The following USH2A variants were observed in gnomAD, a reference collection of about 807,000 sequenced individuals.
The protein encoded by USH2A is usherin.
A neutral mutation model predicts 538.9 loss-of-function variants in USH2A; 443 were observed. The ratio of observed to expected loss-of-function variants is 0.82; its 90% CI spans 0.76 to 0.89. USH2A has a LOEUF of 0.89. Among genes scored for constraint, USH2A ranks in the 40% least tolerant of loss-of-function variants. The probability of loss-of-function intolerance (pLI) is 0.00; values close to 1 mark genes in which losing one functional copy is unlikely to be tolerated. For synonymous variants in USH2A, 2,413 were observed against 2,273.5 expected, an observed-to-expected ratio of 1.06 and a Z score of -1.75; for missense variants, 6,633 against 6,324.8, an observed-to-expected ratio of 1.05 and a Z score of -1.65.
chr1:216,211,675 C>G (rs2035244075), intron 15 of USH2A, among the ~76,000 whole-genome samples: 1 of 152,244 alleles, frequency 6.6e-6, no homozygotes, highest in Non-Finnish European at 1.5e-5. Flanking sequence ...AACATTCCAA[C>G]AGTCTATATG....
At position 215,625,901 on chromosome 1, in the gene USH2A, A is replaced by G. The variant is rs752260610; in HGVS notation, c.15520-31T>C. 1.9e-6 allele frequency: 3 copies of G among 1,568,198 alleles called. No homozygotes were observed. The South Asian group carries it at 3.3e-5, about 17-fold the overall frequency. On this transcript the variant is annotated intron_variant, in intron 71 of 71. Transcript: ENST00000307340. ...AAATAAGCCAATCATCATTGGCTAC[A>G]TACTTGCTATCAATAGTATTTGCTA...
chr1:215,821,214 AT>A, intron 47 of USH2A, among the ~76,000 whole-genome samples: 1 of 151,842 alleles, frequency 6.6e-6, no homozygotes, highest in Non-Finnish European at 1.5e-5. Flanking sequence ...AACAGTGTAA[AT>A]AGAGTTCCCC....
intron 49 of USH2A, among the ~76,000 whole-genome samples, chr1:215,805,261 G>A (rs1259143791): frequency 6.8e-6 from 1 of 147,192 alleles, no homozygotes; most frequent in Non-Finnish European, 1.5e-5. Flanking sequence ...TTGTGCACAT[G>A]TACCCTAAAA....
intron 49 of USH2A, among the ~76,000 whole-genome samples, chr1:215,801,474 G>C (rs1208154060): frequency 6.7e-6 from 1 of 149,306 alleles, no homozygotes; most frequent in African/African-American, 2.4e-5. Context: ...GAAAAACTAG[G>C]TATGTTTCTA....
chr1:215,908,065 T>C (rs1296008575), intron 38 of USH2A, among the ~76,000 whole-genome samples: 1 of 152,070 alleles, frequency 6.6e-6, no homozygotes, highest in Non-Finnish European at 1.5e-5. Flanking sequence ...AATACTACTT[T>C]AGAGTACATT....
chr1:216,392,423 C>T (rs1339852048), intron 3 of USH2A, among the ~76,000 whole-genome samples: 1 of 136,912 alleles, frequency 7.3e-6, no homozygotes, highest in Middle Eastern at 4.3e-3. Context: ...CCCCAAGAGG[C>T]AGAGCTTGCA....
intron 32 of USH2A, among the ~76,000 whole-genome samples, chr1:216,030,590 TCA>T (rs1407633572): frequency 6.9e-6 from 1 of 145,592 alleles, no homozygotes; most frequent in Non-Finnish European, 1.5e-5. Context: ...TAGATATATA[TCA>T]CAGATATATA....
At chr1:216,091,485 TTTTC>T (rs150707162) in intron 22 of USH2A, among the ~76,000 whole-genome samples, 3,536 of 152,314 alleles carry the variant, frequency 0.023, 145 homozygotes, top group African/African-American at 0.079. Flanking sequence ...TGCAGTTAAC[TTTTC>T]TTTATTGTAT....
At chr1:215,733,185 AG>A (rs1338462683) in intron 60 of USH2A, among the ~76,000 whole-genome samples, 1 of 104,608 alleles carries the variant, frequency 9.6e-6, no homozygotes, top group African/African-American at 3.7e-5. Flanking sequence ...CAGGAGCAAG[AG>A]AGAGAGGTGG....
chr1:216,352,526 A>G (rs2038306899), intron 4 of USH2A, among the ~76,000 whole-genome samples: 1 of 152,184 alleles, frequency 6.6e-6, no homozygotes, highest in Non-Finnish European at 1.5e-5. Flanking sequence ...GGAATTTGAA[A>G]AGAGGAATTA....
chr1:216,207,841 G>A (rs1326317431), intron 15 of USH2A, among the ~76,000 whole-genome samples: 1 of 149,690 alleles, frequency 6.7e-6, no homozygotes, highest in Non-Finnish European at 1.5e-5. Context: ...TTGGGTTTTT[G>A]AGAGGAAGCT....
chr1:216,046,283 G>T (rs1571913665), intron 32 of USH2A, 148 bp downstream of exon 32: 5 of 790,206 alleles, frequency 6.3e-6, no homozygotes, highest in Non-Finnish European at 8.1e-6. Flanking sequence ...ATTTTTAATT[G>T]TTCTGTTGTT....
intron 30 of USH2A, among the ~76,000 whole-genome samples, chr1:216,050,611 T>TCTCTCTCTCTCTCTC (rs2030741201): frequency 1.1e-5 from 1 of 94,714 alleles, no homozygotes; most frequent in African/African-American, 3.6e-5. Context: ...TTTCTTTTTT[T>TCTCTCTCTCTCTCTC]TTTTTTTTTT....
At chr1:215,889,178 A>G in intron 40 of USH2A, 124 bp from the exon 41 acceptor site, 1 of 1,166,630 alleles carries the variant, frequency 8.6e-7, no homozygotes, top group South Asian at 1.4e-5. Flanking sequence ...AAGGCCAATA[A>G]GTAAATAAAT....
intron 11 of USH2A, among the ~76,000 whole-genome samples, chr1:216,260,929 C>T (rs529232197): frequency 7.9e-5 from 12 of 152,208 alleles, no homozygotes; most frequent in African/African-American, 2.9e-4. Context: ...CAGAAAAATA[C>T]TACAAAGATA....
intron 4 of USH2A, among the ~76,000 whole-genome samples, chr1:216,334,997 C>T (rs548141769): frequency 1.6e-4 from 25 of 151,788 alleles, no homozygotes; most frequent in African/African-American, 5.5e-4. Flanking sequence ...CAACAGAATA[C>T]AAACTCTTCT....
chr1:215,853,556 C>G (rs553592709), intron 44 of USH2A, among the ~76,000 whole-genome samples: 31 of 152,288 alleles, frequency 2.0e-4, no homozygotes, highest in African/African-American at 7.0e-4. Flanking sequence ...ATGGGACTTT[C>G]TTTGCTATCA....
intron 21 of USH2A, among the ~76,000 whole-genome samples, chr1:216,130,806 T>C (rs1442169791): frequency 6.6e-6 from 1 of 151,464 alleles, no homozygotes; most frequent in Non-Finnish European, 1.5e-5. Flanking sequence ...ATATAATAAC[T>C]TCTTTTCCTC....
intron 38 of USH2A, among the ~76,000 whole-genome samples, chr1:215,921,562 A>G (rs1357461132): frequency 1.3e-5 from 2 of 152,042 alleles, no homozygotes; most frequent in Non-Finnish European, 2.9e-5. Context: ...TCAGATCTGC[A>G]TTGATTAGTG....
Sources: gnomAD v4.1 joint callset for allele counts (sites outside exome capture counted in the v4.1 genomes callset) on GRCh38, gnomAD v4.1.1 for gene constraint, MANE v1.5 for transcripts, NCBI Gene and HGNC (gene_info 2026-07-23, HGNC 2026-07-21) for gene names.